ARMC2: variants seen among roughly 807,000 people sequenced by gnomAD.
ARMC2 encodes armadillo repeat containing 2, also known as armadillo repeat-containing protein 2.
In ARMC2, 67 loss-of-function variants were observed where a neutral mutation model predicts 90.3. That is an observed-to-expected ratio of 0.74 (90% CI 0.61 to 0.91). The LOEUF is 0.91. Among genes scored for constraint, ARMC2 ranks in the 40% least tolerant of loss-of-function variants. The pLI is 0.00. For synonymous variants in ARMC2, 393 were observed against 393.0 expected (o/e 1.00, Z 0.00); for missense variants, 920 against 1,030.9 (o/e 0.89, Z 1.47).
chr6:109,007,785 CT>C, the ARMC2 span, among the ~76,000 whole-genome samples: 6,676 of 103,246 alleles, frequency 0.065, 117 homozygotes, highest in African/African-American at 0.12. Context: ...AGTCCAGGTA[CT>C]TTTTTTTTTT....
intron 10 of ARMC2, among the ~76,000 whole-genome samples, chr6:108,926,091 C>G (rs1049170284): frequency 6.6e-6 from 1 of 152,120 alleles, no homozygotes; most frequent in Non-Finnish European, 1.5e-5. Context: ...TGTCCCTTGC[C>G]AGAGCTTAGA....
intron 3 of ARMC2, among the ~76,000 whole-genome samples, chr6:108,866,294 T>C (rs9374054): frequency 1.3e-5 from 2 of 152,372 alleles, no homozygotes; most frequent in East Asian, 3.9e-4. Flanking sequence ...ATTAGCTTCA[T>C]GGCCTAAGTA....
the ARMC2 span, among the ~76,000 whole-genome samples, chr6:108,982,290 A>C: frequency 6.6e-6 from 1 of 152,180 alleles, no homozygotes; most frequent in East Asian, 1.9e-4. Context: ...TTTGTGGTCA[A>C]GGCCCTCTTC....
At chr6:109,028,715 G>T in the ARMC2 span, among the ~76,000 whole-genome samples, 2 of 152,148 alleles carry the variant, frequency 1.3e-5, no homozygotes, top group South Asian at 2.1e-4. Flanking sequence ...GAAGCAAAGA[G>T]AATCTACTAC....
intron 1 of ARMC2, among the ~76,000 whole-genome samples, chr6:108,850,966 G>T (rs979720078): frequency 1.3e-5 from 2 of 152,172 alleles, no homozygotes; most frequent in African/African-American, 4.8e-5. Flanking sequence ...AATGACCTTT[G>T]AGAGTTAGCT....
chr6:108,848,619 C>T (rs1251858502), intron 1 of ARMC2, 73 bp downstream of exon 1: 1 of 152,672 alleles, frequency 6.5e-6, no homozygotes, highest in African/African-American at 2.4e-5. Context: ...GCCTCTCCCG[C>T]CCTGCAGCGG....
chr6:108,987,624 C>T, the ARMC2 span: 3 of 1,569,912 alleles, frequency 1.9e-6, no homozygotes, highest in Non-Finnish European at 2.6e-6. Flanking sequence ...AGCAGATTAA[C>T]ATGAACCTGA....
the ARMC2 span, chr6:109,009,306 G>A: frequency 9.1e-6 from 13 of 1,422,088 alleles, no homozygotes; most frequent in South Asian, 1.5e-4. Flanking sequence ...AGCTCGGCCG[G>A]GTGCCCACCC....
intron 9 of ARMC2, 77 bp downstream of exon 9, chr6:108,911,078 A>C: frequency 1.2e-6 from 1 of 837,998 alleles, no homozygotes; most frequent in Non-Finnish European, 1.8e-6. Flanking sequence ...GAAAATATAT[A>C]ATCAATGATA....
At chr6:109,006,675 T>A in the ARMC2 span, among the ~76,000 whole-genome samples, 1 of 152,184 alleles carries the variant, frequency 6.6e-6, no homozygotes, top group Admixed American at 6.5e-5. Context: ...GATACCACTG[T>A]TATTATACAG....
chr6:108,990,657 A>G, the ARMC2 span: 1 of 1,614,080 alleles, frequency 6.2e-7, no homozygotes, highest in Non-Finnish European at 8.5e-7. Flanking sequence ...TATTCCAAAC[A>G]TGCAGTGAAT....
intron 5 of ARMC2, among the ~76,000 whole-genome samples, chr6:108,894,059 C>T (rs1303908383): frequency 1.3e-5 from 2 of 152,142 alleles, no homozygotes; most frequent in South Asian, 2.1e-4. Context: ...AAACAATTCT[C>T]GATGGTTTCT....
At chr6:109,021,758 A>G in the ARMC2 span, among the ~76,000 whole-genome samples, 45 of 152,110 alleles carry the variant, frequency 3.0e-4, no homozygotes, top group Non-Finnish European at 1.5e-4. Context: ...CTTTATCTTC[A>G]GTTGTCACAG....
At chr6:109,001,413 C>A in the ARMC2 span, 1 of 1,613,796 alleles carries the variant, frequency 6.2e-7, no homozygotes, top group Non-Finnish European at 8.5e-7. Context: ...GTAATGTTAT[C>A]CAAACGGCCC....
chr6:109,044,122 C>T, the ARMC2 span, among the ~76,000 whole-genome samples: 1,065 of 151,236 alleles, frequency 7.0e-3, 11 homozygotes, highest in African/African-American at 0.024. Context: ...CAAGACCAGC[C>T]GAAGCAACAC....
At chr6:108,886,907 G>GTTT (rs756169770) in intron 5 of ARMC2, among the ~76,000 whole-genome samples, 1 of 144,706 alleles carries the variant, frequency 6.9e-6, no homozygotes, top group Non-Finnish European at 1.5e-5. Context: ...TGTTTGTTTT[G>GTTT]TTTTTTTTTT....
intron 5 of ARMC2, among the ~76,000 whole-genome samples, chr6:108,888,229 A>T (rs1231231794): frequency 6.6e-6 from 1 of 152,228 alleles, no homozygotes; most frequent in East Asian, 1.9e-4. Context: ...TGCTGATGAC[A>T]TCAGTGATGA....
chr6:108,964,900 A>T lies in ARMC2; in HGVS notation c.2286-80A>T, dbSNP rs537599521. 279 of 1,060,590 alleles carry T rather than the reference A, an allele frequency of 2.6e-4. 2 individuals are homozygous for T. The South Asian group carries it at 4.2e-3, about 16-fold the overall frequency. 65.7% of individuals were successfully genotyped at this position (1,060,590 alleles called of 1,614,324 possible). On this transcript the variant is annotated intron_variant, in intron 16 of 17. Coordinates refer to ENST00000392644, the MANE Select transcript of ARMC2 (RefSeq NM_032131.6). ...GATTATACTTACATATCACAGAAGG[A>T]TAATCATTATGCTAACAATATTAAA...
At chr6:108,892,410 T>G (rs1771160915) in intron 5 of ARMC2, among the ~76,000 whole-genome samples, 2 of 152,112 alleles carry the variant, frequency 1.3e-5, no homozygotes, top group Non-Finnish European at 1.5e-5. Flanking sequence ...TTTGGAAAAT[T>G]GACTTCATCT....
Sources: gnomAD v4.1 joint callset for allele counts (sites outside exome capture counted in the v4.1 genomes callset) on GRCh38, gnomAD v4.1.1 for gene constraint, MANE v1.5 for transcripts, NCBI Gene and HGNC (gene_info 2026-07-23, HGNC 2026-07-21) for gene names.